The following PRKCA variants were observed in gnomAD, a reference collection of about 807,000 sequenced individuals.
PRKCA encodes protein kinase C alpha type.
PRKCA carries 27 observed loss-of-function variants against 87.0 expected under a neutral mutation model. The observed-to-expected ratio is 0.31, with a 90% CI of 0.23 to 0.43. The LOEUF is 0.43. Ranked by LOEUF, PRKCA falls within the 20% of genes least tolerant of loss-of-function variation. The probability of loss-of-function intolerance (pLI) is 1.00; values close to 1 mark genes in which losing one functional copy is unlikely to be tolerated. For missense variants in PRKCA, 518 were observed against 852.3 expected, an observed-to-expected ratio of 0.61 and a Z score of 4.88; for synonymous variants, 329 against 311.1, an observed-to-expected ratio of 1.06 and a Z score of -0.61.
At chr17:66,661,117 G>A (rs528159988) in intron 5 of PRKCA, among the ~76,000 whole-genome samples, 73 of 152,122 alleles carry the variant, frequency 4.8e-4, no homozygotes, top group Non-Finnish European at 8.4e-4. Flanking sequence ...TCCACAACAC[G>A]TTAGACTTTC....
At position 66,503,540 on chromosome 17, in the gene PRKCA, CTG is replaced by C. The variant is rs553765374; in HGVS notation, c.288+7259_288+7260del. On this transcript the variant is annotated intron_variant, in intron 3 of 16. Coordinates refer to ENST00000413366, the MANE Select transcript of PRKCA (RefSeq NM_002737.3). ...TATTTGAAGAAGCTGAGCGCACTGA[CTG>C]TAAACATTTAAAGCTAAAAACGGAA... is the stretch of plus-strand genomic sequence containing the variant. Among the ~76,000 whole-genome samples the C allele has an allele frequency of 1.1e-4, 17 of 152,344 alleles. No homozygotes were observed. In the East Asian group the frequency reaches 3.3e-3, roughly 29 times the overall value.
At chr17:66,744,974 C>G (rs1568009213) in intron 13 of PRKCA, among the ~76,000 whole-genome samples, 1 of 152,202 alleles carries the variant, frequency 6.6e-6, no homozygotes, top group African/African-American at 2.4e-5. Context: ...TCCAGCCTCC[C>G]TCTTCTCCTA....
intron 2 of PRKCA, among the ~76,000 whole-genome samples, chr17:66,395,808 C>T (rs1167527114): frequency 2.6e-5 from 4 of 152,050 alleles, no homozygotes; most frequent in South Asian, 2.1e-4. Context: ...TAGGAGGAGA[C>T]GGTGGAGAGA....
intron 1 of PRKCA, 59 bp downstream of exon 1, chr17:66,303,083 C>G: frequency 6.4e-7 from 1 of 1,571,194 alleles, no homozygotes; most frequent in Non-Finnish European, 8.6e-7. Context: ...TCCCGGCACC[C>G]GGCGCTCCGG....
At chr17:66,635,460 T>C (rs191715412) in intron 3 of PRKCA, among the ~76,000 whole-genome samples, 3 of 152,340 alleles carry the variant, frequency 2.0e-5, no homozygotes, top group African/African-American at 4.8e-5. Context: ...ATTCTGCCTG[T>C]GCCTTGAGAT....
At chr17:66,414,558 A>G (rs1303674312) in intron 2 of PRKCA, among the ~76,000 whole-genome samples, 1 of 152,208 alleles carries the variant, frequency 6.6e-6, no homozygotes, top group African/African-American at 2.4e-5. Flanking sequence ...GGCCAAATAC[A>G]TATTTCTTAT....
intron 3 of PRKCA, among the ~76,000 whole-genome samples, chr17:66,608,754 C>T (rs115686763): frequency 1.3e-5 from 2 of 152,074 alleles, no homozygotes; most frequent in East Asian, 3.9e-4. Flanking sequence ...GAGGGAAGAG[C>T]GTAGAGCTAT....
At position 66,803,740 on chromosome 17, in the gene PRKCA, C is replaced by T. The variant is rs1449889753; in HGVS notation, c.1855-133C>T. The T allele has an allele frequency of 3.2e-5, 40 of 1,233,348 alleles. No homozygotes were observed. The highest frequency in any genetic ancestry group is 2.8e-4 in the Middle Eastern group (1 of 3,532). The allele number at this position is 1,233,348 out of a possible 1,614,324, so 76.4% of individuals were successfully genotyped here. A position where few individuals can be genotyped will look rare whatever the true frequency, so the allele number is the denominator to read the frequency against. The stretch of plus-strand genomic sequence containing the variant: ...TTTTCAATCCAATAGGCCTGCAAGT[C>T]CTCCGAGATTCCTCCTCCTAACCAG... On this transcript the variant is annotated intron_variant, in intron 16 of 16. Coordinates refer to ENST00000413366, the MANE Select transcript of PRKCA (RefSeq NM_002737.3). This position sits in a 1 kb window ranked among gnomAD's most constrained non-coding sequence, Gnocchi z 4.4.
At chr17:66,479,331 T>C (rs1274367681) in intron 2 of PRKCA, among the ~76,000 whole-genome samples, 1 of 152,162 alleles carries the variant, frequency 6.6e-6, no homozygotes, top group African/African-American at 2.4e-5. Context: ...TCAGAATAGC[T>C]ATTACTAAAA....
At chr17:66,609,510 T>G (rs1970293969) in intron 3 of PRKCA, among the ~76,000 whole-genome samples, 1 of 152,248 alleles carries the variant, frequency 6.6e-6, no homozygotes, top group South Asian at 2.1e-4. Flanking sequence ...TCGGTCTGAC[T>G]TAACCTTCTA....
At chr17:66,688,560 C>G (rs1972692017) in intron 7 of PRKCA, 124 bp downstream of exon 7, 1 of 1,289,286 alleles carries the variant, frequency 7.8e-7, no homozygotes, top group African/African-American at 1.5e-5. Context: ...CCCAGCACTT[C>G]AAGAGGCCGA....
chr17:66,691,739 G>A (rs562189135), intron 8 of PRKCA, among the ~76,000 whole-genome samples: 1 of 151,210 alleles, frequency 6.6e-6, no homozygotes, highest in Non-Finnish European at 1.5e-5. Flanking sequence ...CCATGGTGTT[G>A]ATCACGAGCA....
intron 8 of PRKCA, among the ~76,000 whole-genome samples, chr17:66,719,166 A>G (rs996437423): frequency 1.3e-5 from 2 of 152,190 alleles, no homozygotes; most frequent in South Asian, 2.1e-4. Flanking sequence ...TCTGCATGTC[A>G]TTGAAAACAG....
intron 2 of PRKCA, among the ~76,000 whole-genome samples, chr17:66,370,386 C>G (rs1291719948): frequency 6.6e-6 from 1 of 151,656 alleles, no homozygotes; most frequent in African/African-American, 2.4e-5. Flanking sequence ...TGCACACCAC[C>G]ATAGCTGGCT....
chr17:66,566,466 G>A (rs1037397695), intron 3 of PRKCA, among the ~76,000 whole-genome samples: 64 of 121,798 alleles, frequency 5.3e-4, no homozygotes, highest in African/African-American at 2.0e-3. Context: ...GTGAAGAACT[G>A]TTGTTGTTTT....
intron 2 of PRKCA, among the ~76,000 whole-genome samples, chr17:66,386,389 C>G (rs79461368): frequency 0.045 from 6,782 of 152,308 alleles, 222 homozygotes; most frequent in Admixed American, 0.078. Flanking sequence ...AACAAAGCTG[C>G]AGTGAATATC....
intron 5 of PRKCA, 40 bp downstream of exon 5, chr17:66,645,551 A>G (rs1971428657): frequency 6.2e-7 from 1 of 1,612,522 alleles, no homozygotes; most frequent in Non-Finnish European, 8.5e-7. Context: ...GTGGGCAGGC[A>G]TTTGGATGAA....
chr17:66,402,436 A>T (rs1259528995), intron 2 of PRKCA, among the ~76,000 whole-genome samples: 2 of 101,196 alleles, frequency 2.0e-5, no homozygotes, highest in East Asian at 2.6e-4. Flanking sequence ...TTTTTTTTTT[A>T]AAGAATATGA....
At chr17:66,517,549 C>T (rs1290074113) in intron 3 of PRKCA, among the ~76,000 whole-genome samples, 1 of 152,172 alleles carries the variant, frequency 6.6e-6, no homozygotes, top group Non-Finnish European at 1.5e-5. Flanking sequence ...ATGTATCTGG[C>T]TCTCAACAAA....
Sources: gnomAD v4.1 joint callset for allele counts (sites outside exome capture counted in the v4.1 genomes callset) on GRCh38, gnomAD v4.1.1 for gene constraint, Gnocchi (gnomAD v3.1) non-coding constraint, MANE v1.5 for transcripts, NCBI Gene and HGNC (gene_info 2026-07-23, HGNC 2026-07-21) for gene names.